ZMYM2: variants seen among roughly 807,000 people sequenced by gnomAD.
ZMYM2 encodes zinc finger MYM-type containing 2.
In ZMYM2, 56 loss-of-function variants were observed where a neutral mutation model predicts 162.8. The ratio of observed to expected loss-of-function variants is 0.34; its 90% CI spans 0.28 to 0.43. The LOEUF (loss-of-function observed/expected upper bound fraction) is 0.43. ZMYM2 is among the 20% of genes least tolerant of loss of function. ZMYM2 has a pLI of 1.00. For synonymous variants in ZMYM2, 510 were observed against 541.6 expected (o/e 0.94, Z 0.81); for missense variants, 1,275 against 1,621.8 (o/e 0.79, Z 3.67).
intron 7 of ZMYM2, among the ~76,000 whole-genome samples, chr13:20,024,084 AC>A (rs1165314870): frequency 6.6e-6 from 1 of 151,860 alleles, no homozygotes; most frequent in Non-Finnish European, 1.5e-5. Flanking sequence ...ACAGGCATGC[AC>A]CACCACGCCT....
At chr13:20,022,662 C>T (rs1594414799) in intron 7 of ZMYM2, among the ~76,000 whole-genome samples, 3 of 151,854 alleles carry the variant, frequency 2.0e-5, no homozygotes, top group Admixed American at 6.6e-5. Flanking sequence ...ATTTTTAAAC[C>T]GTTTTTTCTC....
At chr13:19,926,881 T>C in the ZMYM2 span, among the ~76,000 whole-genome samples, 3 of 152,196 alleles carry the variant, frequency 2.0e-5, no homozygotes, top group African/African-American at 7.2e-5. Context: ...TTGGCCAGTC[T>C]GGTCTCAAAC....
At chr13:20,031,244 A>T (rs1566346194) in intron 9 of ZMYM2, 75 bp from the exon 10 acceptor site, 1 of 1,007,148 alleles carries the variant, frequency 9.9e-7, no homozygotes, top group Non-Finnish European at 1.5e-6. Context: ...TGGACATCGT[A>T]GATATATGAC....
intron 3 of ZMYM2, among the ~76,000 whole-genome samples, chr13:20,000,240 T>G (rs781444301): frequency 3.9e-5 from 6 of 152,106 alleles, no homozygotes; most frequent in Non-Finnish European, 8.8e-5. Flanking sequence ...CTGAGAGAGA[T>G]AAGGAAACAA....
At chr13:19,930,245 A>G in the ZMYM2 span, among the ~76,000 whole-genome samples, 2 of 152,116 alleles carry the variant, frequency 1.3e-5, no homozygotes, top group African/African-American at 4.8e-5. Context: ...TACTAAAAAT[A>G]CAAGAATTAG....
In ZMYM2 at chr13:20,024,337, A is replaced by G. The variant is rs370106342; in HGVS notation, c.1585-2275A>G. 18 of 202,052 alleles carry G rather than the reference A, an allele frequency of 8.9e-5. No individual in the cohort carries two copies. In the South Asian group the frequency reaches 2.5e-3, roughly 28 times the overall value. The allele number at this position is 202,052 out of a possible 1,614,324, so 12.5% of individuals were successfully genotyped here. Reference sequence around the variant, plus strand: ...TACTAATTATTTAATCATTCTGCCAATAAAATCAGCGTTGGGATCACAAAT... The same window carrying G: ...TACTAATTATTTAATCATTCTGCCAGTAAAATCAGCGTTGGGATCACAAAT... On this transcript the variant is annotated intron_variant, in intron 7 of 24. Transcript: ENST00000610343.
At chr13:19,901,807 A>G in the ZMYM2 span, among the ~76,000 whole-genome samples, 1 of 151,952 alleles carries the variant, frequency 6.6e-6, no homozygotes, top group African/African-American at 2.4e-5. Context: ...TGGGGTCTCA[A>G]TCTGCTCACT....
At chr13:20,068,177 A>G (rs1365417771) in intron 21 of ZMYM2, 1 of 181,318 alleles carries the variant, frequency 5.5e-6, no homozygotes. Flanking sequence ...TATATCTTGC[A>G]GTAGCAACCT....
chr13:19,872,737 G>T, the ZMYM2 span, among the ~76,000 whole-genome samples: 42 of 152,096 alleles, frequency 2.8e-4, no homozygotes, highest in Non-Finnish European at 5.6e-4. Flanking sequence ...GGTTGCTCAT[G>T]ACTGTAATCC....
the ZMYM2 span, among the ~76,000 whole-genome samples, chr13:19,919,727 A>G: frequency 3.1e-4 from 46 of 149,230 alleles, no homozygotes; most frequent in Non-Finnish European, 5.5e-4. Context: ...GCCCAGGCTG[A>G]AGTGCAATGG....
At chr13:19,955,768 G>T (rs1457148439), upstream of ZMYM2, among the ~76,000 whole-genome samples, 1 of 152,056 alleles carries the variant, frequency 6.6e-6, no homozygotes, top group Non-Finnish European at 1.5e-5. Flanking sequence ...ACTACAGGCG[G>T]GTGCCACCAT....
chr13:19,967,589 T>G (rs1955906902), intron 2 of ZMYM2, among the ~76,000 whole-genome samples: 1 of 152,240 alleles, frequency 6.6e-6, no homozygotes, highest in Non-Finnish European at 1.5e-5. Context: ...TAAATTTTAC[T>G]ACACGTACAT....
At chr13:19,893,003 A>G in the ZMYM2 span, among the ~76,000 whole-genome samples, 4 of 151,566 alleles carry the variant, frequency 2.6e-5, no homozygotes, top group South Asian at 8.4e-4. Flanking sequence ...GTGAGCCACC[A>G]TGCCTGGCCG....
the ZMYM2 span, among the ~76,000 whole-genome samples, chr13:19,942,099 A>G: frequency 6.6e-6 from 1 of 152,084 alleles, no homozygotes; most frequent in Non-Finnish European, 1.5e-5. Flanking sequence ...TCTACTTTTC[A>G]TAATTACCAA....
the ZMYM2 span, among the ~76,000 whole-genome samples, chr13:19,923,233 T>G: frequency 3.8e-4 from 57 of 148,456 alleles, 1 homozygote; most frequent in Non-Finnish European, 7.0e-4. Context: ...GGCGGGCGCC[T>G]GTAGTCCCAG....
chr13:20,010,174 T>C (rs543230584), intron 6 of ZMYM2, among the ~76,000 whole-genome samples: 13 of 152,274 alleles, frequency 8.5e-5, no homozygotes, highest in Admixed American at 2.6e-4. Flanking sequence ...CTAATGACAA[T>C]GAACAATTTT....
intron 12 of ZMYM2, among the ~76,000 whole-genome samples, chr13:20,046,631 G>A (rs905118077): frequency 6.9e-6 from 1 of 144,556 alleles, no homozygotes; most frequent in Admixed American, 7.0e-5. Flanking sequence ...ATATATATGT[G>A]TATATATATG....
intron 14 of ZMYM2, among the ~76,000 whole-genome samples, chr13:20,054,146 CT>C (rs1216924224): frequency 6.6e-6 from 1 of 152,190 alleles, no homozygotes; most frequent in Non-Finnish European, 1.5e-5. Flanking sequence ...TTGGAATCTT[CT>C]AATTCTCCAC....
At position 20,003,237 on chromosome 13, in the gene ZMYM2, A is replaced by G. The variant is rs142930656; in HGVS notation, c.1133+102A>G. The G allele has an allele frequency of 1.5e-3, 2,117 of 1,368,764 alleles. 37 individuals are homozygous for G. In the African/African-American group the frequency reaches 0.027, roughly 18 times the overall value. 84.8% of individuals were successfully genotyped at this position (1,368,764 alleles called of 1,614,324 possible). A position where few individuals can be genotyped will look rare whatever the true frequency, so the allele number is the denominator to read the frequency against. ...TTGTAATACCTTTGGAAACTTCCCT[A>G]TCAAGTCCAGGTGGCATATGGATAA... is the stretch of plus-strand genomic sequence containing the variant. On this transcript the variant is annotated intron_variant, in intron 4 of 24. Coordinates refer to ENST00000610343, the MANE Select transcript of ZMYM2 (RefSeq NM_197968.4).
Sources: allele counts gnomAD v4.1 joint callset (sites outside exome capture counted in the v4.1 genomes callset), GRCh38; gene constraint gnomAD v4.1.1; transcripts MANE v1.5; gene names NCBI Gene and HGNC (gene_info 2026-07-23, HGNC 2026-07-21).